The following OTOP1 variants were observed in gnomAD, a reference collection of about 807,000 sequenced individuals.
The protein encoded by OTOP1 is proton channel OTOP1.
In OTOP1, 59 loss-of-function variants were observed where a neutral mutation model predicts 52.9. The observed-to-expected ratio is 1.12, with a 90% CI of 0.91 to 1.39. The LOEUF (loss-of-function observed/expected upper bound fraction) is 1.39, where lower values mean the gene tolerates loss of function less well. Ranked by LOEUF, OTOP1 falls within the 40% of genes most tolerant of loss-of-function variation. The pLI is 0.00. For synonymous variants in OTOP1, 317 were observed against 337.7 expected (o/e 0.94, Z 0.67); for missense variants, 761 against 800.9 (o/e 0.95, Z 0.60).
chr4:4,214,676 A>G (rs1270440096), intron 1 of OTOP1, among the ~76,000 whole-genome samples: 1 of 152,260 alleles, frequency 6.6e-6, no homozygotes, highest in African/African-American at 2.4e-5. Context: ...TGAGGACATT[A>G]TGCTAAGTAA....
chr4:4,199,587 A>G (rs937328059), intron 4 of OTOP1, among the ~76,000 whole-genome samples: 1 of 151,848 alleles, frequency 6.6e-6, no homozygotes, highest in African/African-American at 2.4e-5. Flanking sequence ...TAATTTTTAC[A>G]TTTTTTGTAG....
chr4:4,201,499 C>CACACACACAT (rs1716788385), intron 4 of OTOP1, among the ~76,000 whole-genome samples: 1 of 150,742 alleles, frequency 6.6e-6, no homozygotes, highest in Non-Finnish European at 1.5e-5. Flanking sequence ...CACACACACA[C>CACACACACAT]ATACACACAC....
intron 4 of OTOP1, 103 bp downstream of exon 4, chr4:4,202,345 A>T (rs551074674): frequency 7.2e-6 from 11 of 1,531,300 alleles, no homozygotes; most frequent in Middle Eastern, 1.8e-4. Flanking sequence ...GTGGCCCTGC[A>T]GTTCTTTGGA....
chr4:4,216,110 T>TA (rs369336867), intron 1 of OTOP1, among the ~76,000 whole-genome samples: 35 of 149,706 alleles, frequency 2.3e-4, no homozygotes, highest in East Asian at 1.6e-3. Flanking sequence ...AAAGTATATT[T>TA]AAAAAAAAAA....
At chr4:4,203,349 C>G (rs1235273238) in intron 3 of OTOP1, among the ~76,000 whole-genome samples, 2 of 152,330 alleles carry the variant, frequency 1.3e-5, no homozygotes, top group East Asian at 3.9e-4. Flanking sequence ...TAGAAAAAGC[C>G]TGCTCGGTAA....
intron 2 of OTOP1, among the ~76,000 whole-genome samples, chr4:4,208,749 T>A (rs1716963562): frequency 6.7e-6 from 1 of 149,464 alleles, no homozygotes; most frequent in African/African-American, 2.5e-5. Context: ...TTAAAATAAC[T>A]AAGATGGTAA....
chr4:4,204,138 G>T (rs796181548), intron 3 of OTOP1, among the ~76,000 whole-genome samples: 37 of 152,208 alleles, frequency 2.4e-4, no homozygotes, highest in African/African-American at 8.7e-4. Flanking sequence ...ATCTCTCTGG[G>T]TCTCTCTCGG....
In OTOP1 at chr4:4,204,751, C is replaced by T. The variant is rs1383549005; in HGVS notation, c.599+1321G>A. Among the ~76,000 whole-genome samples, 18 of 122,204 alleles carry T rather than the reference C, an allele frequency of 1.5e-4. No homozygotes were observed. In the East Asian group the frequency reaches 2.5e-3, roughly 17 times the overall value. The allele number at this position is 122,204 out of a possible 152,430, so 80.2% of individuals were successfully genotyped here. On this transcript the variant is annotated intron_variant, in intron 3 of 5. Coordinates refer to ENST00000296358, the MANE Select transcript of OTOP1 (RefSeq NM_177998.3). ...GTGTGTGTGTGTGTGTGTGTGTGTG[C>T]GTGTGCATGGTGCTTTCTTTCTTCT...
intron 2 of OTOP1, among the ~76,000 whole-genome samples, chr4:4,212,364 CAA>C (rs1717043661): frequency 6.6e-6 from 1 of 152,128 alleles, no homozygotes; most frequent in Non-Finnish European, 1.5e-5. Context: ...AACGAGAAAA[CAA>C]AAGTGTTTCC....
intron 1 of OTOP1, among the ~76,000 whole-genome samples, chr4:4,223,023 G>T (rs1306106122): frequency 6.6e-6 from 1 of 152,194 alleles, no homozygotes; most frequent in Non-Finnish European, 1.5e-5. Context: ...CGGTGATAGA[G>T]CTGAGACCTC....
chr4:4,200,186 T>C (rs1241666508), intron 4 of OTOP1, among the ~76,000 whole-genome samples: 1 of 152,166 alleles, frequency 6.6e-6, no homozygotes, highest in African/African-American at 2.4e-5. Context: ...ATGATATGTA[T>C]ATATTACTTA....
chr4:4,211,670 C>T (rs868504800), intron 2 of OTOP1, among the ~76,000 whole-genome samples: 12 of 152,080 alleles, frequency 7.9e-5, no homozygotes, highest in African/African-American at 2.7e-4. Flanking sequence ...GAGACTGAGG[C>T]AGGTGGATCA....
intron 2 of OTOP1, among the ~76,000 whole-genome samples, chr4:4,207,654 C>T (rs1383212836): frequency 1.3e-5 from 2 of 151,762 alleles, no homozygotes; most frequent in African/African-American, 4.8e-5. Flanking sequence ...AGATATTTGT[C>T]CACCCATGTT....
At chr4:4,198,230 A>C in intron 4 of OTOP1, 127 bp from the exon 5 acceptor site, 1 of 725,226 alleles carries the variant, frequency 1.4e-6, no homozygotes, top group Non-Finnish European at 2.3e-6. Context: ...GAGCTTTATC[A>C]TGTCATAGCT....
chr4:4,224,254 G>A (rs1272198278), intron 1 of OTOP1, among the ~76,000 whole-genome samples: 2 of 151,972 alleles, frequency 1.3e-5, no homozygotes, highest in East Asian at 3.9e-4. Flanking sequence ...GGCTGAGGCA[G>A]GAGAATCGTT....
At chr4:4,219,661 C>T (rs964459520) in intron 1 of OTOP1, among the ~76,000 whole-genome samples, 1 of 149,890 alleles carries the variant, frequency 6.7e-6, no homozygotes, top group Non-Finnish European at 1.5e-5. Flanking sequence ...CGTGCCACTG[C>T]ACTCCAGCCT....
chr4:4,212,963 A>G lies in OTOP1; in HGVS notation c.445T>C (p.Cys149Arg). Residue 149 changes from cysteine (C) to arginine (R), a missense_variant, in exon 2 of 6, where the codon TGC becomes CGC. By Grantham distance (180) the Cys-to-Arg change is radical. This residue lies in a region of OTOP1 where 632 missense variants were observed against 619.5 expected (regional missense o/e 1.02). Transcript: ENST00000296358. Reference protein sequence around the residue: ...LFAVITVILGCLKIGYFIGFS... With the variant: ...LFAVITVILGRLKIGYFIGFS... Reference sequence around the variant, plus strand: ...CCAATGAAGTATCCAATTTTAAGGCATCCCAGGATGACGGTAATGACTGCA... The same window carrying G: ...CCAATGAAGTATCCAATTTTAAGGCGTCCCAGGATGACGGTAATGACTGCA... 6.2e-7 allele frequency: 1 copy of G among 1,614,120 alleles called. No homozygotes were observed. The highest frequency in any genetic ancestry group is 8.5e-7 in the Non-Finnish European group (1 of 1,179,944).
rs1227092629 is a variant in OTOP1, at chr4:4,206,066, T to C, written c.599+6A>G. The C allele has an allele frequency of 1.9e-6, 3 of 1,599,190 alleles. No individual in the cohort carries two copies. The highest frequency in any genetic ancestry group is 3.3e-5 in the Admixed American group (2 of 59,870). On this transcript the variant is annotated splice_donor_region_variant and intron_variant, in intron 3 of 5. Coordinates refer to ENST00000296358, the MANE Select transcript of OTOP1 (RefSeq NM_177998.3). ...AACATATAAAGCAATTACCCACAAT[T>C]TTTACCTTTCCAGTGTTTTGAAAGA...
chr4:4,199,233 TGAGAGA>T lies in OTOP1; in HGVS notation c.731-1136_731-1131del, dbSNP rs71600542. ...ACTCAGGTAAAATTGTGTGTGTGTG[TGAGAGA>T]GAGAGAGAGAGAGAGAGAGAGAGAG... is the stretch of plus-strand genomic sequence containing the variant. On this transcript the variant is annotated intron_variant, in intron 4 of 5. Transcript: ENST00000296358. 9.9e-3 allele frequency among the ~76,000 whole-genome samples: 975 copies of T among 98,530 alleles called. 113 individuals are homozygous for T. Among genetic ancestry groups the T allele is most frequent in the South Asian group, 0.036 (93 of 2,578 alleles). The allele number at this position is 98,530 out of a possible 152,430, so 64.6% of individuals were successfully genotyped here. A position where few individuals can be genotyped will look rare whatever the true frequency, so the allele number is the denominator to read the frequency against.
Sources: allele counts gnomAD v4.1 joint callset (sites outside exome capture counted in the v4.1 genomes callset), GRCh38; gene constraint gnomAD v4.1.1; regional missense constraint gnomAD v4.1.1; transcripts MANE v1.5; gene names NCBI Gene and HGNC (gene_info 2026-07-23, HGNC 2026-07-21).